Variants in DSC3 observed in about 807,000 individuals in gnomAD.
DSC3 encodes desmocollin 3, also known as desmocollin-3.
DSC3 carries 97 observed loss-of-function variants against 89.5 expected under a neutral mutation model. The observed-to-expected ratio is 1.08, with a 90% confidence interval of 0.92 to 1.28. DSC3 has a LOEUF of 1.28. Among genes scored for constraint, DSC3 ranks in the 50% most tolerant of loss-of-function variants. The pLI is 0.00. For missense variants in DSC3, 1,199 were observed against 1,085.3 expected, an observed-to-expected ratio of 1.10 and a Z score of -1.47; for synonymous variants, 436 against 384.1, an observed-to-expected ratio of 1.14 and a Z score of -1.58.
At chr18:31,039,457 A>C (rs1348180725) in intron 1 of DSC3, among the ~76,000 whole-genome samples, 1 of 152,192 alleles carries the variant, frequency 6.6e-6, no homozygotes, top group African/African-American at 2.4e-5. Flanking sequence ...AAACACAATA[A>C]TTACAGAATT....
intron 7 of DSC3, 22 bp from the exon 8 acceptor site, chr18:31,018,822 A>T (rs749485662): frequency 6.2e-7 from 1 of 1,612,278 alleles, no homozygotes; most frequent in South Asian, 1.1e-5. Context: ...GCAAATATTT[A>T]ACTAGTCTTG....
intron 13 of DSC3, among the ~76,000 whole-genome samples, chr18:31,002,667 T>A (rs952657852): frequency 3.1e-5 from 4 of 129,622 alleles, no homozygotes; most frequent in African/African-American, 1.2e-4. Context: ...GCCATTGCCC[T>A]CCAGCCTGGG....
chr18:31,007,137 G>A lies in DSC3; in HGVS notation c.1664-6C>T, dbSNP rs1275152218. 6.3e-7 allele frequency: 1 copy of A among 1,599,608 alleles called. No individual in the cohort carries two copies. The highest frequency in any genetic ancestry group is 1.7e-5 in the Admixed American group (1 of 59,972). On this transcript the variant is annotated splice_polypyrimidine_tract_variant and splice_region_variant and intron_variant, in intron 11 of 15. Coordinates refer to ENST00000360428, the MANE Select transcript of DSC3 (RefSeq NM_001941.5). ...TCCAGTACATGATCTATCATCTAAG[G>A]AGACAGGAATAAGGTTTAGTGTTAT...
At chr18:31,029,177 C>G (rs1458189008) in intron 4 of DSC3, among the ~76,000 whole-genome samples, 4 of 152,068 alleles carry the variant, frequency 2.6e-5, no homozygotes. Flanking sequence ...GTCTCCTTCA[C>G]GAGGCCAATA....
intron 5 of DSC3, 87 bp from the exon 6 acceptor site, chr18:31,024,580 T>A: frequency 1.4e-6 from 2 of 1,430,074 alleles, no homozygotes; most frequent in Non-Finnish European, 1.9e-6. Context: ...GCCTTGCAAA[T>A]CTTTTCAATA....
chr18:31,009,112 G>A (rs2051430), intron 9 of DSC3, among the ~76,000 whole-genome samples: 18,284 of 152,100 alleles, frequency 0.12, 1,286 homozygotes, highest in African/African-American at 0.19. Flanking sequence ...GAGCAGTGGC[G>A]CAATCTTGGC....
At chr18:31,038,046 T>G (rs1216211458) in intron 1 of DSC3, among the ~76,000 whole-genome samples, 1 of 152,208 alleles carries the variant, frequency 6.6e-6, no homozygotes, top group Admixed American at 6.5e-5. Context: ...AATACAATAA[T>G]AGATGTTCTT....
rs780928956 is a variant in DSC3 at position 31,042,670 on chromosome 18, G to C, written c.-10C>G. ...GCCCAGCGGCGGCCATCGGGATGCC[G>C]GGCAGGGCCAGGAGAACGCGGGCGC... On this transcript the variant is annotated 5_prime_UTR_variant, in exon 1 of 16. Coordinates refer to ENST00000360428, the MANE Select transcript of DSC3 (RefSeq NM_001941.5). The C allele has an allele frequency of 5.2e-6, 8 of 1,548,474 alleles. No homozygotes were observed. The Admixed American group carries it at 7.9e-5, about 15-fold the overall frequency.
rs1432437011 is a variant in DSC3 at position 31,025,833 on chromosome 18, A to G, written c.557T>C (p.Phe186Ser). The change falls in exon 5 of 16, where the codon TTT (phenylalanine) becomes TCT (serine). Residue 186 changes from phenylalanine (F) to serine (S), a missense_variant. By Grantham distance (155) the Phe-to-Ser change is radical. Transcript: ENST00000360428. ...RGVDKEPLNL[F>S]YIERDTGNLF... ...ATTTCCAGTGTCTCTTTCTATATAA[A>G]ACAAATTTAAAGGTTCTTTATCAAC... 2.5e-6 allele frequency: 4 copies of G among 1,613,090 alleles called. No individual in the cohort carries two copies. Among genetic ancestry groups the G allele is most frequent in the Admixed American group, 3.3e-5 (2 of 59,896 alleles).
chr18:30,996,004 A>AAAAAAAAAAAAAAAAAAG (rs1380162048), intron 15 of DSC3, among the ~76,000 whole-genome samples: 2 of 143,742 alleles, frequency 1.4e-5, no homozygotes, highest in African/African-American at 5.6e-5. Context: ...AAAAAAGAAA[A>AAAAAAAAAAAAAAAAAAG]GAAAGAAAAA....
chr18:31,017,993 G>T, intron 9 of DSC3, 78 bp downstream of exon 9: 1 of 1,273,368 alleles, frequency 7.9e-7, no homozygotes, highest in Non-Finnish European at 1.1e-6. Flanking sequence ...TCTATGGTCT[G>T]AAACTATTTA....
At chr18:31,025,538 G>T (rs902764841) in intron 5 of DSC3, among the ~76,000 whole-genome samples, 3 of 152,112 alleles carry the variant, frequency 2.0e-5, no homozygotes, top group South Asian at 2.1e-4. Flanking sequence ...TGAAATTTAT[G>T]TTCAAATATT....
chr18:31,008,727 G>A (rs1984956358), intron 9 of DSC3, among the ~76,000 whole-genome samples: 1 of 152,136 alleles, frequency 6.6e-6, no homozygotes, highest in African/African-American at 2.4e-5. Context: ...ACTTCTGCAG[G>A]TAGTTTCATA....
At chr18:30,994,682 A>C (rs939490555) in intron 15 of DSC3, among the ~76,000 whole-genome samples, 1 of 152,192 alleles carries the variant, frequency 6.6e-6, no homozygotes, top group African/African-American at 2.4e-5. Context: ...CTAGTCTAAA[A>C]AATAGAGACA....
chr18:31,000,306 T>G (rs1443674038), intron 14 of DSC3, among the ~76,000 whole-genome samples: 1 of 152,196 alleles, frequency 6.6e-6, no homozygotes, highest in Non-Finnish European at 1.5e-5. Context: ...TTTGAAATAT[T>G]TCTTATTCAT....
At chr18:30,999,441 CA>C (rs1227609963) in intron 14 of DSC3, among the ~76,000 whole-genome samples, 3 of 139,912 alleles carry the variant, frequency 2.1e-5, no homozygotes, top group Non-Finnish European at 4.6e-5. Context: ...AATTCAATTA[CA>C]AAAAAGGAAA....
intron 9 of DSC3, among the ~76,000 whole-genome samples, chr18:31,013,500 C>T (rs1985137713): frequency 6.6e-6 from 1 of 152,026 alleles, no homozygotes; most frequent in South Asian, 2.1e-4. Flanking sequence ...AAAACCAACA[C>T]AAGCAAACTT....
chr18:31,024,913 C>T (rs141556516), intron 5 of DSC3, among the ~76,000 whole-genome samples: 130 of 152,230 alleles, frequency 8.5e-4, no homozygotes, highest in African/African-American at 3.0e-3. Context: ...ATTATTTTAC[C>T]TAATAGACCA....
intron 9 of DSC3, among the ~76,000 whole-genome samples, chr18:31,009,079 C>T (rs1043469455): frequency 6.6e-6 from 1 of 151,984 alleles, no homozygotes; most frequent in Non-Finnish European, 1.5e-5. Flanking sequence ...AGAGTCTTGC[C>T]TCATTCTGTC....
Sources: gnomAD v4.1 joint callset for allele counts (sites outside exome capture counted in the v4.1 genomes callset) on GRCh38, gnomAD v4.1.1 for gene constraint, MANE v1.5 for transcripts, NCBI Gene and HGNC (gene_info 2026-07-23, HGNC 2026-07-21) for gene names.